The following SDK1 variants were observed in gnomAD, a reference collection of about 807,000 sequenced individuals.
The protein encoded by SDK1 is sidekick cell adhesion molecule 1, also known as protein sidekick-1.
A neutral mutation model predicts 245.5 loss-of-function variants in SDK1; 157 were observed. The ratio of observed to expected loss-of-function variants is 0.64; its 90% CI spans 0.56 to 0.73. The LOEUF is 0.73. Among genes scored for constraint, SDK1 ranks in the 30% least tolerant of loss-of-function variants. The pLI is 0.00. For synonymous variants in SDK1, 1,647 were observed against 1,278.5 expected (o/e 1.29, Z -6.15); for missense variants, 3,583 against 3,002.3 (o/e 1.19, Z -4.52).
intron 1 of SDK1, among the ~76,000 whole-genome samples, chr7:3,586,956 AGT>A (rs548304102): frequency 2.1e-4 from 32 of 152,228 alleles, no homozygotes; most frequent in African/African-American, 6.3e-4. Context: ...GTGCATACAG[AGT>A]GAGCAGGCAT....
At chr7:3,916,936 A>G (rs77109296) in intron 5 of SDK1, among the ~76,000 whole-genome samples, 1 of 152,244 alleles carries the variant, frequency 6.6e-6, no homozygotes, top group South Asian at 2.1e-4. Context: ...GCAGACTCAT[A>G]GTATAAAGTT....
At chr7:3,607,066 T>C (rs957086646) in intron 1 of SDK1, among the ~76,000 whole-genome samples, 49 of 152,248 alleles carry the variant, frequency 3.2e-4, no homozygotes, top group African/African-American at 1.2e-3. Context: ...CTTCTCTCAA[T>C]AGTGTAATGT....
intron 5 of SDK1, among the ~76,000 whole-genome samples, chr7:3,940,262 G>C (rs1396454062): frequency 1.3e-5 from 2 of 152,256 alleles, no homozygotes; most frequent in Non-Finnish European, 2.9e-5. Flanking sequence ...ATTCAAGTTG[G>C]ATATTTAGAA....
chr7:3,974,350 C>A lies in SDK1; in HGVS notation c.1818-19C>A. 1.2e-6 allele frequency: 2 copies of A among 1,604,732 alleles called. No homozygotes were observed. The highest frequency in any genetic ancestry group is 2.2e-5 in the South Asian group (2 of 90,358). ...TCACTGTGGGGTTTGTAACTCAAGACCCTTTGCTTGGCCCACAGCTACGTT... is the reference window on the plus strand; with the variant it reads ...TCACTGTGGGGTTTGTAACTCAAGAACCTTTGCTTGGCCCACAGCTACGTT... On this transcript the variant is annotated intron_variant, in intron 12 of 44. Transcript: ENST00000404826.
chr7:3,323,408 A>G (rs1779865982), intron 1 of SDK1, among the ~76,000 whole-genome samples: 1 of 152,236 alleles, frequency 6.6e-6, no homozygotes, highest in Non-Finnish European at 1.5e-5. Flanking sequence ...ATAGGAAGAA[A>G]ATATGTGGTA....
intron 1 of SDK1, among the ~76,000 whole-genome samples, chr7:3,616,243 C>G (rs1781767803): frequency 6.6e-6 from 1 of 152,070 alleles, no homozygotes; most frequent in South Asian, 2.1e-4. Flanking sequence ...ATTGACAGTA[C>G]TTTTTACAAG....
chr7:3,788,309 C>G (rs1383629150), intron 4 of SDK1, among the ~76,000 whole-genome samples: 1 of 152,152 alleles, frequency 6.6e-6, no homozygotes, highest in Non-Finnish European at 1.5e-5. Context: ...CCCTCCATCG[C>G]CCATAACAGG....
At chr7:3,329,172 A>C (rs1416786360) in intron 1 of SDK1, among the ~76,000 whole-genome samples, 2 of 152,106 alleles carry the variant, frequency 1.3e-5, no homozygotes, top group Non-Finnish European at 2.9e-5. Flanking sequence ...TATATGTATG[A>C]GGCATATCAT....
intron 1 of SDK1, among the ~76,000 whole-genome samples, chr7:3,471,713 A>G (rs970265362): frequency 6.6e-6 from 1 of 152,188 alleles, no homozygotes; most frequent in African/African-American, 2.4e-5. Context: ...TTGTAAAGAA[A>G]CAGAGAAAAT....
rs192981220 is a variant in SDK1, at chr7:3,604,838, G to T, written c.299-14242G>T. Among the ~76,000 whole-genome samples, 20 of 151,776 alleles carry T rather than the reference G, an allele frequency of 1.3e-4. No homozygotes were observed. The East Asian group carries it at 2.9e-3, about 22-fold the overall frequency. ...GCTGGTCTTGAACTCCCAACTTCTG[G>T]TGATCTGCCCACCTCGGCCTCCCAA... On this transcript the variant is annotated intron_variant, in intron 1 of 44. Transcript: ENST00000404826.
intron 1 of SDK1, among the ~76,000 whole-genome samples, chr7:3,305,434 A>T (rs964982590): frequency 1.3e-5 from 2 of 152,112 alleles, no homozygotes; most frequent in African/African-American, 4.8e-5. Context: ...CACTTTTCTC[A>T]GGCCAATTCC....
chr7:4,206,838 G>A (rs957924626), intron 36 of SDK1, among the ~76,000 whole-genome samples: 36 of 152,150 alleles, frequency 2.4e-4, no homozygotes, highest in Admixed American at 2.4e-3. Context: ...CTCCCCTAAT[G>A]ACTATTGGAC....
chr7:3,523,264 T>C (rs979710362), intron 1 of SDK1, among the ~76,000 whole-genome samples: 5 of 152,196 alleles, frequency 3.3e-5, no homozygotes, highest in African/African-American at 1.2e-4. Flanking sequence ...TCTTTCTCAA[T>C]TAACAGTTAC....
At chr7:3,428,036 C>G (rs1013856580) in intron 1 of SDK1, among the ~76,000 whole-genome samples, 10 of 152,326 alleles carry the variant, frequency 6.6e-5, no homozygotes, top group African/African-American at 1.9e-4. Context: ...CCAATTCCCT[C>G]TTTGGATTAC....
chr7:4,132,522 G>C (rs1784907514), intron 28 of SDK1, 99 bp downstream of exon 28: 1 of 774,754 alleles, frequency 1.3e-6, no homozygotes, highest in African/African-American at 1.7e-5. Flanking sequence ...AGGAGTTCAA[G>C]ACCAGCCTGG....
At chr7:4,202,506 AC>A (rs1441527006) in intron 35 of SDK1, among the ~76,000 whole-genome samples, 1 of 152,200 alleles carries the variant, frequency 6.6e-6, no homozygotes, top group Non-Finnish European at 1.5e-5. Context: ...TTGTTTGGTC[AC>A]GTGGGGCCAG....
At chr7:3,949,713 T>C (rs1308152891) in intron 5 of SDK1, among the ~76,000 whole-genome samples, 1 of 152,228 alleles carries the variant, frequency 6.6e-6, no homozygotes, top group East Asian at 1.9e-4. Context: ...TGATGTTAAA[T>C]GTATTTTAGA....
At chr7:4,176,165 CTTT>C (rs1156364111) in intron 34 of SDK1, among the ~76,000 whole-genome samples, 3 of 138,486 alleles carry the variant, frequency 2.2e-5, no homozygotes, top group African/African-American at 2.7e-5. Flanking sequence ...CTTTTCTTTA[CTTT>C]TTTTTTTTTT....
chr7:4,083,778 C>A (rs1164608345), intron 22 of SDK1, among the ~76,000 whole-genome samples: 6 of 121,648 alleles, frequency 4.9e-5, no homozygotes, highest in African/African-American at 1.3e-4. Flanking sequence ...TCCCTTCTTT[C>A]CTCCCTCCTT....
Sources: allele counts gnomAD v4.1 joint callset (sites outside exome capture counted in the v4.1 genomes callset), GRCh38; gene constraint gnomAD v4.1.1; transcripts MANE v1.5; gene names NCBI Gene and HGNC (gene_info 2026-07-23, HGNC 2026-07-21).